Variants in CES5A observed in about 807,000 individuals in gnomAD.
CES5A encodes the protein carboxylesterase 5A.
A neutral mutation model predicts 62.9 loss-of-function variants in CES5A; 67 were observed. That is an observed-to-expected ratio of 1.07 (90% confidence interval 0.88 to 1.31). The LOEUF (loss-of-function observed/expected upper bound fraction) is 1.31, where lower values mean the gene tolerates loss of function less well. CES5A is among the 50% of genes most tolerant of loss of function. CES5A has a pLI of 0.00. For missense variants in CES5A, 748 were observed against 708.5 expected, an observed-to-expected ratio of 1.06 and a Z score of -0.63; for synonymous variants, 296 against 280.8, an observed-to-expected ratio of 1.05 and a Z score of -0.54.
chr16:55,872,176 T>C (rs12599796), intron 2 of CES5A, among the ~76,000 whole-genome samples: 75,907 of 151,556 alleles, frequency 0.5, 21,088 homozygotes, highest in Non-Finnish European at 0.62. Flanking sequence ...TGTCCCCAGA[T>C]GCGCAAAGGA....
At chr16:55,876,453 C>A (rs564583924), upstream of CES5A, among the ~76,000 whole-genome samples, 1 of 152,094 alleles carries the variant, frequency 6.6e-6, no homozygotes, top group Non-Finnish European at 1.5e-5. Flanking sequence ...CAAAGTAAGA[C>A]AAACAGGAAA....
At chr16:55,949,123 A>C (rs2034527668) in intron 2 of CES5A, among the ~76,000 whole-genome samples, 1 of 152,222 alleles carries the variant, frequency 6.6e-6, no homozygotes, top group Non-Finnish European at 1.5e-5. Context: ...GTAAATGCTC[A>C]ATCATAGGTT....
chr16:55,885,036 T>C (rs1297163075), intron 1 of CES5A, among the ~76,000 whole-genome samples: 1 of 152,170 alleles, frequency 6.6e-6, no homozygotes, highest in African/African-American at 2.4e-5. Flanking sequence ...GCTGCCTTGA[T>C]CTCACACTTA....
At chr16:55,874,118 G>A in intron 1 of CES5A, 81 bp from the exon 2 acceptor site, 1 of 1,260,230 alleles carries the variant, frequency 7.9e-7, no homozygotes, top group Non-Finnish European at 1.1e-6. Flanking sequence ...GCTCCCCAGT[G>A]GGGATGTGCT....
chr16:55,878,882 CA>C (rs1311660327), upstream of CES5A, among the ~76,000 whole-genome samples: 4 of 145,614 alleles, frequency 2.7e-5, no homozygotes, highest in East Asian at 6.3e-4. Context: ...ACTGCACCCC[CA>C]CCATTTAACC....
chr16:55,949,934 C>G (rs1015741567), intron 1 of CES5A: 1 of 986,290 alleles, frequency 1.0e-6, no homozygotes, highest in East Asian at 2.7e-5. Flanking sequence ...TAATAATAAA[C>G]ATTGATGATA....
At chr16:55,862,153 C>T (rs1299461040) in intron 6 of CES5A, among the ~76,000 whole-genome samples, 4 of 152,258 alleles carry the variant, frequency 2.6e-5, no homozygotes, top group East Asian at 1.9e-4. Flanking sequence ...CCTATAAGCT[C>T]GATGTTCCCC....
At chr16:55,919,276 C>T (rs1185525965) in intron 1 of CES5A, among the ~76,000 whole-genome samples, 4 of 152,240 alleles carry the variant, frequency 2.6e-5, no homozygotes, top group Non-Finnish European at 4.4e-5. Context: ...CTTTGTGCAA[C>T]ATATGAAGAC....
intron 1 of CES5A, among the ~76,000 whole-genome samples, chr16:55,922,279 A>T (rs1359334689): frequency 6.6e-6 from 1 of 151,992 alleles, no homozygotes; most frequent in African/African-American, 2.4e-5. Flanking sequence ...ACAAGACTCA[A>T]CTATTTGCTG....
intron 11 of CES5A, among the ~76,000 whole-genome samples, chr16:55,848,605 A>G (rs547649269): frequency 1.0e-3 from 156 of 152,312 alleles, no homozygotes; most frequent in African/African-American, 3.6e-3. Context: ...TCGTATGTTT[A>G]GAAGCCACTT....
chr16:55,943,396 G>C (rs1480015720), intron 2 of CES5A, among the ~76,000 whole-genome samples: 4 of 152,174 alleles, frequency 2.6e-5, no homozygotes, highest in Non-Finnish European at 4.4e-5. Context: ...TAAAGCCCAG[G>C]TGTTAGGACT....
At position 55,861,437 on chromosome 16, in the gene CES5A, G is replaced by A; in HGVS notation, c.890C>T (p.Ser297Phe). 2 of 1,613,656 alleles carry A rather than the reference G, an allele frequency of 1.2e-6. No individual in the cohort carries two copies. Among genetic ancestry groups the A allele is most frequent in the East Asian group, 2.2e-5 (1 of 44,878 alleles). The change falls in exon 7 of 13, where the codon TCC becomes TTC. Residue 297 changes from serine (S) to phenylalanine (F), a missense_variant. Transcript: ENST00000290567. Reference protein sequence around the residue: ...ALLRCLRTKPSKELLTLSQKT... With the variant: ...ALLRCLRTKPFKELLTLSQKT... ...CTGGCTGAGGGTCAGCAGCTCCTTG[G>A]AGGGTTTTGTCCTCAGGCACCTCAG...
At position 55,856,449 on chromosome 16, in the gene CES5A, T is replaced by C; in HGVS notation, c.1057-4A>G. 6.2e-7 allele frequency: 1 copy of C among 1,613,892 alleles called. No individual in the cohort carries two copies. ...TGAGGATCTCAGGAGCCTCCTTCTG[T>C]GGAGAGAAGCGTGCCCTCTGTAAGC... On this transcript the variant is annotated splice_polypyrimidine_tract_variant and splice_region_variant and intron_variant, in intron 8 of 12. Transcript: ENST00000290567.
intron 2 of CES5A, chr16:55,944,032 G>A (rs537313390): frequency 4.7e-5 from 33 of 702,004 alleles, no homozygotes; most frequent in Non-Finnish European, 7.8e-5. Flanking sequence ...AAGTCATTGA[G>A]GTGAAGGGGA....
chr16:55,875,411 C>G, upstream of CES5A: 3 of 1,342,086 alleles, frequency 2.2e-6, no homozygotes, highest in Non-Finnish European at 2.9e-6. Context: ...CTTTCCTGTT[C>G]TGATTTACAT....
rs1040994679 is a variant in CES5A, at chr16:55,846,371, C to A, written c.*80G>T. 1 of 1,098,072 alleles carries A rather than the reference C, an allele frequency of 9.1e-7. No homozygotes were observed. Among genetic ancestry groups the A allele is most frequent in the Non-Finnish European group, 1.4e-6 (1 of 733,980 alleles). The allele number at this position is 1,098,072 out of a possible 1,614,324, so 68.0% of individuals were successfully genotyped here. ...TTGCAAGGATCCCCATAGAAAGCAG[C>A]TGAGCTCAGAAAGAAGCTAATGATT... On this transcript the variant is annotated 3_prime_UTR_variant, in exon 13 of 13. Coordinates refer to ENST00000290567, the MANE Select transcript of CES5A (RefSeq NM_001143685.2).
upstream of CES5A, among the ~76,000 whole-genome samples, chr16:55,877,535 C>T (rs2033712114): frequency 6.6e-6 from 1 of 151,618 alleles, no homozygotes; most frequent in Admixed American, 6.6e-5. Flanking sequence ...AATCAGAATG[C>T]AAAGAGAACT....
chr16:55,871,679 G>A lies in CES5A; in HGVS notation c.363C>T (p.Cys121=). The A allele has an allele frequency of 6.2e-7, 1 of 1,614,142 alleles. No homozygotes were observed. Among genetic ancestry groups the A allele is most frequent in the Non-Finnish European group, 8.5e-7 (1 of 1,180,014 alleles). ...CAGGCGCATAGATGTTCAGGTAGAG[G>A]CAGTCTTCTGACACTCCGAATTTCG... ...HYPKFGVSED[C]LYLNIYAPAH... Residue 121 remains cysteine, a synonymous_variant, in exon 3 of 13, where the codon TGC becomes TGT. Coordinates refer to ENST00000290567, the MANE Select transcript of CES5A (RefSeq NM_001143685.2).
intron 4 of CES5A, among the ~76,000 whole-genome samples, chr16:55,868,772 C>T (rs1251617927): frequency 6.6e-6 from 1 of 152,188 alleles, no homozygotes; most frequent in Non-Finnish European, 1.5e-5. Context: ...ACTTCTCCTG[C>T]CATGTCTTAG....
Sources: gnomAD v4.1 joint callset for allele counts (sites outside exome capture counted in the v4.1 genomes callset) on GRCh38, gnomAD v4.1.1 for gene constraint, MANE v1.5 for transcripts, NCBI Gene and HGNC (gene_info 2026-07-23, HGNC 2026-07-21) for gene names.